ECPAS: variants seen among roughly 807,000 people sequenced by gnomAD.
ECPAS encodes Ecm29 proteasome adaptor and scaffold.
ECPAS carries 70 observed loss-of-function variants against 255.1 expected under a neutral mutation model. That is an observed-to-expected ratio of 0.27 (90% CI 0.23 to 0.33). The LOEUF is 0.33. Ranked by LOEUF, ECPAS falls within the 10% of genes least tolerant of loss-of-function variation. ECPAS has a pLI of 1.00. For synonymous variants in ECPAS, 784 were observed against 775.0 expected (o/e 1.01, Z -0.19); for missense variants, 1,817 against 2,206.4 (o/e 0.82, Z 3.54).
Position 111,390,027 on chromosome 9 carries a change from A to G in ECPAS, c.3236T>C (p.Phe1079Ser). The G allele has an allele frequency of 6.2e-7, 1 of 1,600,724 alleles. No individual in the cohort carries two copies. The highest frequency in any genetic ancestry group is 8.5e-7 in the Non-Finnish European group (1 of 1,169,850). Residue 1079 changes from phenylalanine to serine, a missense_variant, in exon 30 of 50, where the codon TTT (phenylalanine) becomes TCT (serine). Phe to Ser is a radical substitution (Grantham distance 155, BLOSUM62 -2). Around this residue, in one of 4 missense-constraint regions of ECPAS, gnomAD observed 960 missense variants for 1,179.0 expected, o/e 0.81. Transcript: ENST00000684092. ...DLSQPDLVYK[F>S]MNLANHHAMW... ...TGCATGATGGTTGGCTAAATTCATA[A>G]ATTTATACACCAGATCTGGCTGGCT...
rs2098129578 is a variant in ECPAS, at chr9:111,373,298, C to G, written c.4269+17G>C. The G allele has an allele frequency of 6.2e-7, 1 of 1,612,948 alleles. No individual in the cohort carries two copies. The highest frequency in any genetic ancestry group is 1.1e-5 in the South Asian group (1 of 91,070). On this transcript the variant is annotated intron_variant, in intron 40 of 49. Coordinates refer to ENST00000684092, the MANE Select transcript of ECPAS (RefSeq NM_001364929.1). ...TGTCAAAGAGTTTTATTTAACTAAG[C>G]AAGAAATTTAACTCACCCGAACTAA...
chr9:111,408,412 GCACAGTGATGAGCACAAAACTAGTACT>G (rs1323019415), intron 24 of ECPAS, among the ~76,000 whole-genome samples, 132 bp downstream of exon 24: 2 of 151,596 alleles, frequency 1.3e-5, no homozygotes, highest in Non-Finnish European at 2.9e-5. Flanking sequence ...GCTATACCTA[GCACAGTGATGAGCACAAAACTAGTACT>G]CAAGTATCTG....
chr9:111,479,373 G>A (rs1223363509), intron 1 of ECPAS, among the ~76,000 whole-genome samples: 12 of 149,988 alleles, frequency 8.0e-5, no homozygotes, highest in African/African-American at 1.7e-4. Flanking sequence ...CAGGAGGGGC[G>A]GATCATGAGG....
Position 111,423,195 on chromosome 9 carries a change from T to G in ECPAS, c.1265+4A>C. 6.4e-7 allele frequency: 1 copy of G among 1,552,656 alleles called. No homozygotes were observed. The highest frequency in any genetic ancestry group is 8.7e-7 in the Non-Finnish European group (1 of 1,144,746). ...TATCTCTCACTAAAAAAGAGTTTAC[T>G]CACCTGGAGAGTTTTCCAACAGCTG... On this transcript the variant is annotated splice_donor_region_variant and intron_variant, in intron 13 of 49. Coordinates refer to ENST00000684092, the MANE Select transcript of ECPAS (RefSeq NM_001364929.1).
chr9:111,444,178 T>C (rs1277553876), intron 4 of ECPAS, among the ~76,000 whole-genome samples, 200 bp downstream of exon 4: 1 of 152,062 alleles, frequency 6.6e-6, no homozygotes, highest in African/African-American at 2.4e-5. Context: ...TTCATTACCC[T>C]GCTACTGTAA....
chr9:111,379,807 C>G (rs1434265124), intron 35 of ECPAS, among the ~76,000 whole-genome samples: 1 of 152,162 alleles, frequency 6.6e-6, no homozygotes, highest in Non-Finnish European at 1.5e-5. Flanking sequence ...CTTTGCTCAT[C>G]GATAAGAAGC....
chr9:111,441,894 A>G (rs2098246460), intron 5 of ECPAS, among the ~76,000 whole-genome samples: 2 of 152,168 alleles, frequency 1.3e-5, no homozygotes, highest in Admixed American at 1.3e-4. Flanking sequence ...GTTATCTAAA[A>G]CCCTTTTCAC....
At chr9:111,477,130 A>G (rs1393814707) in intron 1 of ECPAS, among the ~76,000 whole-genome samples, 3 of 143,684 alleles carry the variant, frequency 2.1e-5, no homozygotes. Flanking sequence ...TTTTTTTGAG[A>G]TGGAGTCTAG....
intron 2 of ECPAS, among the ~76,000 whole-genome samples, chr9:111,468,626 A>AGT (rs1302505343): frequency 2.1e-5 from 3 of 144,802 alleles, no homozygotes; most frequent in African/African-American, 5.1e-5. Context: ...AAAGAGAGTG[A>AGT]GTGAGAGAGA....
intron 28 of ECPAS, 129 bp from the exon 29 acceptor site, chr9:111,391,953 C>T (rs1486945580): frequency 2.8e-6 from 2 of 706,412 alleles, no homozygotes; most frequent in East Asian, 5.5e-5. Context: ...TATAAAAGTC[C>T]TTTCCGGCCG....
At chr9:111,439,071 G>A (rs955852801) in intron 6 of ECPAS, among the ~76,000 whole-genome samples, 1 of 152,154 alleles carries the variant, frequency 6.6e-6, no homozygotes, top group Admixed American at 6.5e-5. Flanking sequence ...AATAGGTCTC[G>A]ACTACAAGGG....
At chr9:111,441,211 GAATT>G (rs1564547959) in intron 5 of ECPAS, among the ~76,000 whole-genome samples, 3 of 146,680 alleles carry the variant, frequency 2.0e-5, no homozygotes, top group African/African-American at 7.6e-5. Flanking sequence ...AAAAAAAAAA[GAATT>G]ATTTTCGGTC....
chr9:111,386,979 T>C (rs574460474), intron 31 of ECPAS, among the ~76,000 whole-genome samples: 43 of 152,370 alleles, frequency 2.8e-4, no homozygotes, highest in African/African-American at 8.9e-4. Context: ...ACTATTTCAC[T>C]ATACTGCAGA....
chr9:111,423,210 TC>T lies in ECPAS; in HGVS notation c.1253del (p.Gly418GlufsTer15). 6.4e-7 allele frequency: 1 copy of T among 1,560,430 alleles called. No individual in the cohort carries two copies. Among genetic ancestry groups the T allele is most frequent in the South Asian group, 1.2e-5 (1 of 84,564 alleles). On this transcript the variant is annotated frameshift_variant, in exon 13 of 50. Coordinates refer to ENST00000684092, the MANE Select transcript of ECPAS (RefSeq NM_001364929.1). LOFTEE classifies it high-confidence loss of function. ...KLLSMAYSAV[G>X]KLSSRMPHLF... ...AAGAGTTTACTCACCTGGAGAGTTT[TC>T]CAACAGCTGAATATGCCATTGACAG...
rs1253600878 is a variant in ECPAS, at chr9:111,423,180, TA to T, written c.1265+18del. 3.3e-6 allele frequency: 5 copies of T among 1,529,890 alleles called. No individual in the cohort carries two copies. The South Asian group carries it at 3.6e-5, about 11-fold the overall frequency. The allele number at this position is 1,529,890 out of a possible 1,614,324, so 94.8% of individuals were successfully genotyped here. On this transcript the variant is annotated intron_variant, in intron 13 of 49. Coordinates refer to ENST00000684092, the MANE Select transcript of ECPAS (RefSeq NM_001364929.1). The stretch of plus-strand genomic sequence containing the variant: ...TGTTTACCAACACCATATCTCTCAC[TA>T]AAAAAGAGTTTACTCACCTGGAGAG...
intron 26 of ECPAS, 66 bp downstream of exon 26, chr9:111,394,094 A>G (rs922872978): frequency 6.3e-5 from 91 of 1,452,440 alleles, no homozygotes; most frequent in Middle Eastern, 1.8e-4. Flanking sequence ...TCACCCTCAT[A>G]TGCTTTCCTT....
chr9:111,452,427 A>C (rs1447596862), intron 2 of ECPAS, among the ~76,000 whole-genome samples: 2 of 152,234 alleles, frequency 1.3e-5, no homozygotes, highest in East Asian at 3.8e-4. Flanking sequence ...ACTATACTTC[A>C]ATTTAAAATA....
intron 8 of ECPAS, among the ~76,000 whole-genome samples, chr9:111,431,509 G>T (rs2098229947): frequency 6.7e-6 from 1 of 149,650 alleles, no homozygotes; most frequent in African/African-American, 2.5e-5. Context: ...AGTGAGCCGA[G>T]ATTGTGCCAC....
At chr9:111,377,340 C>T (rs56202520) in intron 36 of ECPAS, among the ~76,000 whole-genome samples, 8,494 of 151,916 alleles carry the variant, frequency 0.056, 579 homozygotes, top group African/African-American at 0.15. Context: ...AGACATGGAA[C>T]ATAAACACAA....
Sources: gnomAD v4.1 joint callset for allele counts (sites outside exome capture counted in the v4.1 genomes callset) on GRCh38, gnomAD v4.1.1 for gene constraint, gnomAD v4.1.1 regional missense constraint, MANE v1.5 for transcripts, NCBI Gene and HGNC (gene_info 2026-07-23, HGNC 2026-07-21) for gene names.